CNTNAP2: variants seen among roughly 807,000 people sequenced by gnomAD.
The protein encoded by CNTNAP2 is contactin associated protein 2.
In CNTNAP2, 98 loss-of-function variants were observed where a neutral mutation model predicts 155.2. The observed-to-expected ratio is 0.63, with a 90% CI of 0.54 to 0.75. CNTNAP2 has a LOEUF of 0.75. Ranked by LOEUF, CNTNAP2 falls within the 30% of genes least tolerant of loss-of-function variation. The pLI is 0.00. For synonymous variants in CNTNAP2, 651 were observed against 631.2 expected (o/e 1.03, Z -0.47); for missense variants, 1,727 against 1,688.1 (o/e 1.02, Z -0.40).
chr7:148,193,971 C>CT (rs34642827), intron 18 of CNTNAP2, among the ~76,000 whole-genome samples: 2,316 of 141,024 alleles, frequency 0.016, 61 homozygotes, highest in African/African-American at 0.052. Flanking sequence ...TTAACACTGC[C>CT]TTTTTTTTTT....
intron 15 of CNTNAP2, among the ~76,000 whole-genome samples, chr7:148,089,942 A>T (rs1803805497): frequency 6.6e-6 from 1 of 151,990 alleles, no homozygotes; most frequent in Non-Finnish European, 1.5e-5. Context: ...ATACCAATGG[A>T]ACAGAATAAA....
intron 1 of CNTNAP2, among the ~76,000 whole-genome samples, chr7:146,677,754 G>A (rs1466342893): frequency 6.6e-6 from 1 of 151,746 alleles, no homozygotes; most frequent in Non-Finnish European, 1.5e-5. Context: ...CATAAAAATA[G>A]CTTAAGCTAT....
chr7:146,316,887 T>C (rs12386642), intron 1 of CNTNAP2, among the ~76,000 whole-genome samples: 17,642 of 151,816 alleles, frequency 0.12, 2,483 homozygotes, highest in African/African-American at 0.34. Flanking sequence ...CTACGGGAGG[T>C]CGTCAGAGGA....
chr7:148,227,182 T>C (rs1684908607), intron 19 of CNTNAP2, among the ~76,000 whole-genome samples: 1 of 151,512 alleles, frequency 6.6e-6, no homozygotes, highest in South Asian at 2.1e-4. Flanking sequence ...AGCCAAGTGT[T>C]CCCGGGAGGT....
At chr7:146,295,198 A>T (rs1477136001) in intron 1 of CNTNAP2, among the ~76,000 whole-genome samples, 1 of 152,202 alleles carries the variant, frequency 6.6e-6, no homozygotes, top group African/African-American at 2.4e-5. Flanking sequence ...CCCTGTACTG[A>T]AGATATCAAA....
At chr7:148,187,109 T>C (rs917468016) in intron 18 of CNTNAP2, among the ~76,000 whole-genome samples, 12 of 49,254 alleles carry the variant, frequency 2.4e-4, no homozygotes, top group African/African-American at 3.0e-4. Flanking sequence ...CAAGGAAACA[T>C]ACACACACAC....
intron 4 of CNTNAP2, 41 bp from the exon 5 acceptor site, chr7:147,108,106 T>C: frequency 1.3e-6 from 2 of 1,570,248 alleles, no homozygotes; most frequent in South Asian, 2.2e-5. Flanking sequence ...GATGGTAACA[T>C]ACATGGCTGA....
chr7:148,136,951 T>C (rs1585145816), intron 16 of CNTNAP2, among the ~76,000 whole-genome samples: 1 of 152,200 alleles, frequency 6.6e-6, no homozygotes, highest in Non-Finnish European at 1.5e-5. Flanking sequence ...AAAGGAAGCG[T>C]ACTCTGTGAA....
At chr7:147,062,460 G>T (rs999056075) in intron 4 of CNTNAP2, among the ~76,000 whole-genome samples, 1 of 151,966 alleles carries the variant, frequency 6.6e-6, no homozygotes, top group Non-Finnish European at 1.5e-5. Context: ...TATTATAAAT[G>T]ATATGATATA....
Position 147,329,157 on chromosome 7 carries a change from C to T in CNTNAP2, c.1498+28867C>T, listed in dbSNP as rs1263207189. 5.3e-5 allele frequency among the ~76,000 whole-genome samples: 8 copies of T among 152,130 alleles called. No individual in the cohort carries two copies. The East Asian group carries it at 1.4e-3, about 26-fold the overall frequency. Reference sequence around the variant, plus strand: ...TTGAGCACCCCCCCACACACACACACACCCACGCATATACACACACAGGTA... The same window carrying T: ...TTGAGCACCCCCCCACACACACACATACCCACGCATATACACACACAGGTA... On this transcript the variant is annotated intron_variant, in intron 9 of 23. Coordinates refer to ENST00000361727, the MANE Select transcript of CNTNAP2 (RefSeq NM_014141.6).
intron 1 of CNTNAP2, among the ~76,000 whole-genome samples, chr7:146,337,301 T>TAAAA (rs11418259): frequency 7.4e-6 from 1 of 134,438 alleles, no homozygotes; most frequent in East Asian, 2.2e-4. Flanking sequence ...TGTTCTAACA[T>TAAAA]AAAAAAAAAA....
rs945799565 is a variant in CNTNAP2, at chr7:146,826,651, G to A, written c.209-13060G>A. Among the ~76,000 whole-genome samples the A allele has an allele frequency of 4.6e-5, 7 of 151,878 alleles. No homozygotes were observed. In the East Asian group the frequency reaches 5.8e-4, roughly 13 times the overall value. On this transcript the variant is annotated intron_variant, in intron 2 of 23. Coordinates refer to ENST00000361727, the MANE Select transcript of CNTNAP2 (RefSeq NM_014141.6). ...AATGCATGAGTGATAACTGGAGCCC[G>A]GTAAAACTTACTGAGACAGAATTCT...
chr7:146,641,281 G>A (rs545197122), intron 1 of CNTNAP2, among the ~76,000 whole-genome samples: 2 of 152,104 alleles, frequency 1.3e-5, no homozygotes, highest in African/African-American at 4.8e-5. Flanking sequence ...AGCCGAGATC[G>A]CACCACTGCA....
chr7:148,000,427 G>A (rs1801875847), intron 15 of CNTNAP2, among the ~76,000 whole-genome samples: 1 of 152,176 alleles, frequency 6.6e-6, no homozygotes, highest in Non-Finnish European at 1.5e-5. Context: ...GTCAGATCTA[G>A]TTAAGCACTT....
intron 8 of CNTNAP2, among the ~76,000 whole-genome samples, chr7:147,220,291 A>G (rs189724149): frequency 6.6e-6 from 1 of 151,946 alleles, no homozygotes; most frequent in East Asian, 1.9e-4. Context: ...TAGTATAGCT[A>G]CTCTTGCTTT....
chr7:146,841,043 T>C (rs7801088), intron 3 of CNTNAP2, among the ~76,000 whole-genome samples: 5,430 of 152,268 alleles, frequency 0.036, 350 homozygotes, highest in African/African-American at 0.13. Context: ...TCCTCAGGCA[T>C]AATTTATAGA....
intron 13 of CNTNAP2, among the ~76,000 whole-genome samples, chr7:147,709,038 G>A (rs949593331): frequency 1.3e-5 from 2 of 152,136 alleles, no homozygotes; most frequent in East Asian, 1.9e-4. Context: ...TCAGATCCTC[G>A]TTCAAAAAAC....
At chr7:146,122,402 T>TATATAACAGAAC (rs1417633578) in intron 1 of CNTNAP2, among the ~76,000 whole-genome samples, 2 of 152,244 alleles carry the variant, frequency 1.3e-5, no homozygotes, top group African/African-American at 2.4e-5. Flanking sequence ...CAGCAATACT[T>TATATAACAGAAC]ATATAAAGAA....
At chr7:148,020,647 T>G (rs1457945543) in intron 15 of CNTNAP2, among the ~76,000 whole-genome samples, 1 of 152,238 alleles carries the variant, frequency 6.6e-6, no homozygotes, top group African/African-American at 2.4e-5. Flanking sequence ...CCCCACAGTT[T>G]CAGTAAAACG....
Sources: gnomAD v4.1 joint callset for allele counts (sites outside exome capture counted in the v4.1 genomes callset) on GRCh38, gnomAD v4.1.1 for gene constraint, MANE v1.5 for transcripts, NCBI Gene and HGNC (gene_info 2026-07-23, HGNC 2026-07-21) for gene names.